The following ZNF185 variants were observed in gnomAD, a reference collection of about 807,000 sequenced individuals.
ZNF185 encodes the protein zinc finger protein 185.
Under a neutral mutation model 58.6 loss-of-function variants are expected in ZNF185, and 56 were observed. The ratio of observed to expected loss-of-function variants is 0.95; its 90% CI spans 0.77 to 1.19. ZNF185 has a LOEUF of 1.19. ZNF185 is among the 50% of genes most tolerant of loss of function. The pLI, the probability that ZNF185 is intolerant of heterozygous loss-of-function variation, is 0.00. For synonymous variants in ZNF185, 230 were observed against 215.9 expected, an observed-to-expected ratio of 1.07 and a Z score of -0.57; for missense variants, 627 against 573.5, an observed-to-expected ratio of 1.09 and a Z score of -0.95.
chrX:152,967,117 T>C (rs1556915199), intron 19 of ZNF185, 50 bp from the exon 22 acceptor site: 1 of 1,098,312 alleles, frequency 9.1e-7, no homozygotes. Flanking sequence ...ACTATGATAG[T>C]GATTTGGCTC....
chrX:152,936,610 C>A (rs2046315389), intron 14 of ZNF185, 97 bp downstream of exon 16: 2 of 735,636 alleles, frequency 2.7e-6, no homozygotes, highest in South Asian at 5.1e-5. Flanking sequence ...CCCCCTCGAA[C>A]TTCTCAGCTC....
chrX:152,932,302 C>T (rs3955222), intron 13 of ZNF185, among the ~76,000 whole-genome samples: 17,482 of 111,675 alleles, frequency 0.16, 1,188 homozygotes, highest in South Asian at 0.31. Flanking sequence ...GGGTCCAGGA[C>T]GGGAAGTTGG....
chrX:152,935,525 C>T (rs782294956), intron 14 of ZNF185, among the ~76,000 whole-genome samples: 106 of 112,625 alleles, frequency 9.4e-4, no homozygotes, highest in Non-Finnish European at 1.8e-3. Flanking sequence ...CGTGAGCCAT[C>T]GCGTCCTGCC....
chrX:152,945,236 T>G (rs782253503), intron 15 of ZNF185, 31 bp from the exon 18 acceptor site: 2 of 1,180,692 alleles, frequency 1.7e-6, no homozygotes, highest in Non-Finnish European at 2.3e-6. Flanking sequence ...TTCAGAGCAC[T>G]TTTTTCATAA....
At chrX:152,914,571 G>A in intron 1 of ZNF185, 48 bp downstream of exon 2, 1 of 1,152,487 alleles carries the variant, frequency 8.7e-7, no homozygotes, top group Non-Finnish European at 1.2e-6. Flanking sequence ...GGGGCTGTTT[G>A]CTTCCAAGCC....
chrX:152,914,007 G>A (rs1334983879), upstream of ZNF185, among the ~76,000 whole-genome samples: 3 of 110,809 alleles, frequency 2.7e-5, no homozygotes, highest in Middle Eastern at 4.6e-3. Flanking sequence ...CCCCCAGCCC[G>A]TCCCTCTCCA....
exon 23 of ZNF185, chrX:152,973,392 GCTT>G (rs1389529143): frequency 3.4e-4 from 38 of 112,449 alleles, no homozygotes; most frequent in African/African-American, 1.2e-3. Flanking sequence ...TTACCTTTTT[GCTT>G]CTTTTCAATT....
intron 1 of ZNF185, 66 bp from the exon 3 acceptor site, chrX:152,914,644 G>A: frequency 8.5e-7 from 1 of 1,178,048 alleles, no homozygotes. Flanking sequence ...TGGGAGAACT[G>A]GAAAGGAGGT....
At chrX:152,940,710 A>G in intron 15 of ZNF185, among the ~76,000 whole-genome samples, 1 of 112,512 alleles carries the variant, frequency 8.9e-6, no homozygotes, top group East Asian at 2.8e-4. Flanking sequence ...TCTCTACAGA[A>G]TGTAAATTTC....
upstream of ZNF185, among the ~76,000 whole-genome samples, chrX:152,910,316 G>A (rs962526921): frequency 1.8e-5 from 2 of 112,274 alleles, no homozygotes. Flanking sequence ...GAAGATACAC[G>A]TTCATGACAG....
At chrX:152,916,711 G>A (rs914788190) in intron 3 of ZNF185, among the ~76,000 whole-genome samples, 7 of 112,606 alleles carry the variant, frequency 6.2e-5, no homozygotes, top group Non-Finnish European at 1.1e-4. Context: ...GTCAGACCCC[G>A]GGCTGAGGGG....
At chrX:152,952,614 CCT>C (rs199982631) in intron 16 of ZNF185, among the ~76,000 whole-genome samples, 1,937 of 110,565 alleles carry the variant, frequency 0.018, 44 homozygotes, top group African/African-American at 0.061. Context: ...AAGGGGAAAG[CCT>C]GGTGAAGAGT....
exon 23 of ZNF185, chrX:152,971,941 T>C (rs781967982): frequency 8.9e-6 from 1 of 112,137 alleles, no homozygotes; most frequent in South Asian, 3.7e-4. Context: ...GATTTTAGGA[T>C]GCTACTGATC....
Position 152,940,603 on chromosome X carries a change from C to T in ZNF185, c.1211+2440C>T, listed in dbSNP as rs917452872. Among the ~76,000 whole-genome samples the T allele has an allele frequency of 5.4e-5, 6 of 111,131 alleles. No homozygotes were observed. In the East Asian group the frequency reaches 8.5e-4, roughly 16 times the overall value. ...ATATAGGTGAAGTCTCATAAGTGGC[C>T]GCCCTTAGAAGCAATAGATGGCCAA... On this transcript the variant is annotated intron_variant, in intron 15 of 22. Transcript: ENST00000449285.
upstream of ZNF185, among the ~76,000 whole-genome samples, chrX:152,911,924 C>T (rs1306640323): frequency 2.3e-5 from 2 of 88,313 alleles, no homozygotes; most frequent in African/African-American, 4.4e-5. Context: ...CCATCTGATC[C>T]GTCCATCCCA....
exon 1 of ZNF185, chrX:152,914,451 T>C (rs1556863699): frequency 1.4e-5 from 16 of 1,146,010 alleles, no homozygotes; most frequent in Non-Finnish European, 1.8e-5. Flanking sequence ...CCAGAAGCCC[T>C]GCTGAATCAA....
intron 15 of ZNF185, among the ~76,000 whole-genome samples, chrX:152,941,230 C>G (rs1349454286): frequency 9.0e-6 from 1 of 111,502 alleles, no homozygotes; most frequent in African/African-American, 3.3e-5. Flanking sequence ...TGGTTCTGAC[C>G]CAGGGGCATC....
chrX:152,915,298 A>T, intron 3 of ZNF185, 95 bp downstream of exon 4: 1 of 926,970 alleles, frequency 1.1e-6, no homozygotes, highest in Non-Finnish European at 1.5e-6. Context: ...GGCAGTCCAC[A>T]GGGGACAGGG....
intron 2 of ZNF185, 109 bp downstream of exon 3, chrX:152,914,942 C>A: frequency 9.4e-7 from 1 of 1,058,863 alleles, no homozygotes; most frequent in Non-Finnish European, 1.3e-6. Flanking sequence ...AGAGCTCCGC[C>A]AGGCCATGTG....
Sources: allele counts gnomAD v4.1 joint callset (sites outside exome capture counted in the v4.1 genomes callset), GRCh38; gene constraint gnomAD v4.1.1; transcripts MANE v1.5; gene names NCBI Gene and HGNC (gene_info 2026-07-23, HGNC 2026-07-21).